RXFP1: variants seen among roughly 807,000 people sequenced by gnomAD.
The protein encoded by RXFP1 is relaxin receptor 1.
In RXFP1, 73 loss-of-function variants were observed where a neutral mutation model predicts 89.8. The observed-to-expected ratio is 0.81, with a 90% CI of 0.67 to 0.99. The LOEUF is 0.99. Ranked by LOEUF, RXFP1 falls within the 50% of genes least tolerant of loss-of-function variation. RXFP1 has a pLI of 0.00. For synonymous variants in RXFP1, 277 were observed against 305.5 expected, an observed-to-expected ratio of 0.91 and a Z score of 0.97; for missense variants, 793 against 895.5, an observed-to-expected ratio of 0.89 and a Z score of 1.46.
At chr4:158,629,684 T>G (rs1767645772) in intron 11 of RXFP1, among the ~76,000 whole-genome samples, 1 of 152,098 alleles carries the variant, frequency 6.6e-6, no homozygotes. Flanking sequence ...TGAAGTGCAA[T>G]GGTACAATCA....
chr4:158,651,128 A>G (rs1400299366), intron 17 of RXFP1, among the ~76,000 whole-genome samples: 1 of 152,168 alleles, frequency 6.6e-6, no homozygotes. Context: ...TGTCTCAAAA[A>G]CAAAAACATA....
intron 2 of RXFP1, among the ~76,000 whole-genome samples, chr4:158,580,510 G>A (rs148653486): frequency 3.3e-5 from 5 of 152,186 alleles, no homozygotes; most frequent in Non-Finnish European, 7.4e-5. Context: ...AGAAAGTTGC[G>A]GCAACAAACA....
chr4:158,619,142 A>G (rs1334944110), intron 9 of RXFP1, among the ~76,000 whole-genome samples: 1 of 152,164 alleles, frequency 6.6e-6, no homozygotes, highest in Non-Finnish European at 1.5e-5. Context: ...TGAATTATCA[A>G]TACTTCAATC....
intron 1 of RXFP1, among the ~76,000 whole-genome samples, chr4:158,572,176 C>G (rs1188793455): frequency 6.6e-6 from 1 of 152,172 alleles, no homozygotes; most frequent in South Asian, 2.1e-4. Flanking sequence ...CATGAGGAAA[C>G]TTTTTCTCTC....
At chr4:158,634,096 A>G (rs953106022) in intron 12 of RXFP1, among the ~76,000 whole-genome samples, 24 of 152,148 alleles carry the variant, frequency 1.6e-4, no homozygotes, top group Admixed American at 3.9e-4. Flanking sequence ...TGCATGTTTC[A>G]TTCTGTTTTC....
chr4:158,554,644 G>A (rs1750872193), intron 1 of RXFP1, among the ~76,000 whole-genome samples: 1 of 150,466 alleles, frequency 6.6e-6, no homozygotes, highest in African/African-American at 2.4e-5. Context: ...TTTGTGTTTT[G>A]TTGTTTAATT....
At chr4:158,599,574 A>G (rs1252849420) in intron 4 of RXFP1, 143 bp downstream of exon 4, 5 of 651,770 alleles carry the variant, frequency 7.7e-6, no homozygotes, top group Non-Finnish European at 1.2e-5. Flanking sequence ...ATAATTACTG[A>G]TATTTATTTT....
intron 2 of RXFP1, among the ~76,000 whole-genome samples, chr4:158,587,656 A>G (rs1488441159): frequency 6.6e-6 from 1 of 152,214 alleles, no homozygotes; most frequent in Non-Finnish European, 1.5e-5. Context: ...AAATACAATA[A>G]TAATTTATGA....
At chr4:158,555,504 CAAAT>C (rs778462723) in intron 1 of RXFP1, among the ~76,000 whole-genome samples, 6 of 152,138 alleles carry the variant, frequency 3.9e-5, no homozygotes, top group Non-Finnish European at 7.3e-5. Flanking sequence ...CATTGGGACC[CAAAT>C]AATGTCAAAG....
At chr4:158,554,893 T>C (rs1750945756) in intron 1 of RXFP1, among the ~76,000 whole-genome samples, 1 of 152,192 alleles carries the variant, frequency 6.6e-6, no homozygotes, top group Admixed American at 6.5e-5. Flanking sequence ...TGCTCCGCTA[T>C]TGTAACCATG....
intron 11 of RXFP1, among the ~76,000 whole-genome samples, chr4:158,631,184 C>G (rs1767954359): frequency 6.6e-6 from 1 of 152,210 alleles, no homozygotes; most frequent in Non-Finnish European, 1.5e-5. Flanking sequence ...AAAACCCACA[C>G]TCCCACCAGT....
At chr4:158,534,589 A>G (rs1579387480) in intron 1 of RXFP1, among the ~76,000 whole-genome samples, 1 of 152,160 alleles carries the variant, frequency 6.6e-6, no homozygotes, top group Admixed American at 6.5e-5. Context: ...TGCTAAAGTT[A>G]TAGGTAAGAG....
intron 1 of RXFP1, among the ~76,000 whole-genome samples, chr4:158,530,261 T>C (rs1251682247): frequency 2.6e-5 from 4 of 152,218 alleles, no homozygotes; most frequent in Non-Finnish European, 5.9e-5. Flanking sequence ...GAAGCTTTTA[T>C]CCAGGCACAT....
chr4:158,623,800 T>C (rs905029143), intron 9 of RXFP1, among the ~76,000 whole-genome samples: 3 of 152,168 alleles, frequency 2.0e-5, no homozygotes, highest in Non-Finnish European at 4.4e-5. Context: ...AAGAGAAAGA[T>C]GCAAGTCCTT....
chr4:158,621,398 A>G (rs1765611068), intron 9 of RXFP1, among the ~76,000 whole-genome samples: 1 of 152,240 alleles, frequency 6.6e-6, no homozygotes, highest in Admixed American at 6.5e-5. Context: ...CATGTAATTA[A>G]CCAATATTGT....
chr4:158,558,647 T>C (rs566466565), intron 1 of RXFP1, among the ~76,000 whole-genome samples: 1 of 152,252 alleles, frequency 6.6e-6, no homozygotes, highest in African/African-American at 2.4e-5. Context: ...ATCAAAACCT[T>C]AGGGAAGTTG....
intron 2 of RXFP1, chr4:158,573,069 C>T (rs971047014): frequency 2.1e-5 from 9 of 428,020 alleles, no homozygotes; most frequent in East Asian, 1.2e-4. Flanking sequence ...AGTGCAGTGG[C>T]GTGATCTCGG....
At position 158,605,082 on chromosome 4, in the gene RXFP1, A is replaced by G; in HGVS notation, c.407A>G (p.Asn136Ser). Residue 136 changes from asparagine (N) to serine (S), a missense_variant, in exon 5 of 18, where the codon AAC becomes AGC. By Grantham distance (46) the Asn-to-Ser change is conservative. Transcript: ENST00000307765. ...SNVTAMSLQWNLIRKLPPDCF... is the reference protein window; with the variant it reads ...SNVTAMSLQWSLIRKLPPDCF... ...ATTTATTTCAGGTCACTTCAGTGGA[A>G]CTTAATAAGAAAGCTTCCTCCTGAT... is the stretch of plus-strand genomic sequence containing the variant. 2 of 1,584,016 alleles carry G rather than the reference A, an allele frequency of 1.3e-6. No homozygotes were observed. Among genetic ancestry groups the G allele is most frequent in the Non-Finnish European group, 1.7e-6 (2 of 1,157,968 alleles).
chr4:158,545,448 G>T (rs997622210), intron 1 of RXFP1, among the ~76,000 whole-genome samples: 3 of 152,132 alleles, frequency 2.0e-5, no homozygotes, highest in African/African-American at 7.2e-5. Context: ...AAGCTCTTTA[G>T]TTTAATTATA....
Sources: gnomAD v4.1 joint callset for allele counts (sites outside exome capture counted in the v4.1 genomes callset) on GRCh38, gnomAD v4.1.1 for gene constraint, MANE v1.5 for transcripts, NCBI Gene and HGNC (gene_info 2026-07-23, HGNC 2026-07-21) for gene names.